ERC2: variants seen among roughly 807,000 people sequenced by gnomAD.
The protein encoded by ERC2 is ERC protein 2.
ERC2 carries 42 observed loss-of-function variants against 114.8 expected under a neutral mutation model. That is an observed-to-expected ratio of 0.37 (90% confidence interval 0.29 to 0.47). The LOEUF is 0.47. Among genes scored for constraint, ERC2 ranks in the 20% least tolerant of loss-of-function variants. The probability of loss-of-function intolerance (pLI) is 0.99; values close to 1 mark genes in which losing one functional copy is unlikely to be tolerated. For missense variants in ERC2, 939 were observed against 1,150.7 expected (o/e 0.82, Z 2.66); for synonymous variants, 454 against 425.5 (o/e 1.07, Z -0.82).
intron 6 of ERC2, among the ~76,000 whole-genome samples, chr3:56,086,547 C>A (rs1049863422): frequency 1.6e-4 from 24 of 150,788 alleles, no homozygotes; most frequent in Admixed American, 4.0e-4. Context: ...AATTCACAAG[C>A]AACATTAGCC....
rs186621312 is a variant in ERC2 at position 56,305,841 on chromosome 3, T to C, written c.658-9406A>G. On this transcript the variant is annotated intron_variant, in intron 2 of 17. Coordinates refer to ENST00000288221, the MANE Select transcript of ERC2 (RefSeq NM_015576.3). Reference sequence around the variant, plus strand: ...CAGCCATATCCATTGACATATATATTGTCTTTTTTTTGTTTGTTTGTTTTT... The same window carrying C: ...CAGCCATATCCATTGACATATATATCGTCTTTTTTTTGTTTGTTTGTTTTT... Among the ~76,000 whole-genome samples the C allele has an allele frequency of 2.0e-5, 3 of 152,246 alleles. No homozygotes were observed. The East Asian group carries it at 5.8e-4, about 29-fold the overall frequency.
At chr3:56,232,059 C>G (rs1446869625) in intron 3 of ERC2, among the ~76,000 whole-genome samples, 1 of 151,010 alleles carries the variant, frequency 6.6e-6, no homozygotes, top group Admixed American at 6.6e-5. Context: ...TAGTCTCAAA[C>G]TTCAGTGTAT....
chr3:55,677,830 T>C (rs1030225090), intron 17 of ERC2, among the ~76,000 whole-genome samples: 40 of 152,304 alleles, frequency 2.6e-4, no homozygotes, highest in African/African-American at 9.4e-4. Flanking sequence ...TCAGGGGATT[T>C]GCAGAGCCTC....
intron 17 of ERC2, among the ~76,000 whole-genome samples, chr3:55,681,870 T>C (rs1439266465): frequency 6.6e-6 from 1 of 152,182 alleles, no homozygotes; most frequent in Non-Finnish European, 1.5e-5. Flanking sequence ...ACTGTTCATA[T>C]CTCAGGGTGT....
At chr3:55,695,032 A>C (rs1164888119) in intron 16 of ERC2, among the ~76,000 whole-genome samples, 1 of 152,198 alleles carries the variant, frequency 6.6e-6, no homozygotes, top group Non-Finnish European at 1.5e-5. Context: ...TAGAAAAAGG[A>C]AAGTAGAAAG....
At chr3:56,332,600 C>A (rs2150462053) in intron 2 of ERC2, among the ~76,000 whole-genome samples, 1 of 152,328 alleles carries the variant, frequency 6.6e-6, no homozygotes, top group African/African-American at 2.4e-5. Flanking sequence ...GAGTGGGACA[C>A]AATACTCAGT....
At chr3:56,017,659 C>T (rs906001664) in intron 8 of ERC2, among the ~76,000 whole-genome samples, 1 of 152,080 alleles carries the variant, frequency 6.6e-6, no homozygotes, top group Non-Finnish European at 1.5e-5. Flanking sequence ...CAAGCTCCTA[C>T]CTGGCCATTC....
At chr3:56,345,777 T>C (rs1053942667) in intron 2 of ERC2, among the ~76,000 whole-genome samples, 12 of 152,188 alleles carry the variant, frequency 7.9e-5, no homozygotes, top group Admixed American at 3.3e-4. Context: ...CCCACATGCA[T>C]GCCCACACTT....
intron 17 of ERC2, among the ~76,000 whole-genome samples, chr3:55,545,185 C>T (rs1029445487): frequency 2.6e-5 from 4 of 152,188 alleles, no homozygotes; most frequent in African/African-American, 9.7e-5. Context: ...ATCCTCACTC[C>T]ACCACGGCCA....
At position 55,886,528 on chromosome 3, in the gene ERC2, T is replaced by C. The variant is rs73831806; in HGVS notation, c.2564+1861A>G. ...TTATGAACTTTGTATATAGACATTATAAAAATACATAACTTTAGATTCTAA... is the reference window on the plus strand; with the variant it reads ...TTATGAACTTTGTATATAGACATTACAAAAATACATAACTTTAGATTCTAA... On this transcript the variant is annotated intron_variant, in intron 14 of 17. Transcript: ENST00000288221. Among the ~76,000 whole-genome samples, 1,478 of 152,344 alleles carry C rather than the reference T, an allele frequency of 9.7e-3. 34 individuals are homozygous for C. Among genetic ancestry groups the C allele is most frequent in the African/African-American group, 0.034 (1,393 of 41,582 alleles).
At chr3:55,615,045 C>T (rs9846968) in intron 17 of ERC2, among the ~76,000 whole-genome samples, 2,368 of 152,276 alleles carry the variant, frequency 0.016, 70 homozygotes, top group African/African-American at 0.054. Flanking sequence ...TTTAAGCAAG[C>T]CTACTATGTT....
At chr3:56,362,459 C>A (rs1183416431) in intron 2 of ERC2, among the ~76,000 whole-genome samples, 2 of 152,172 alleles carry the variant, frequency 1.3e-5, no homozygotes, top group Admixed American at 6.5e-5. Flanking sequence ...GATAAACCAG[C>A]CCCTTCTTTC....
chr3:55,879,974 G>A (rs1248813796), intron 14 of ERC2, among the ~76,000 whole-genome samples: 1 of 152,222 alleles, frequency 6.6e-6, no homozygotes, highest in African/African-American at 2.4e-5. Flanking sequence ...ACTAAGAACA[G>A]GGCTTAGATA....
intron 14 of ERC2, among the ~76,000 whole-genome samples, chr3:55,848,096 C>A (rs1014293668): frequency 6.6e-6 from 1 of 152,056 alleles, no homozygotes; most frequent in Non-Finnish European, 1.5e-5. Flanking sequence ...CAAGCCCCAG[C>A]TAGGATATTA....
At chr3:56,004,579 A>G (rs939922873) in intron 10 of ERC2, among the ~76,000 whole-genome samples, 36 of 152,178 alleles carry the variant, frequency 2.4e-4, no homozygotes, top group African/African-American at 8.4e-4. Context: ...TCCCTTTACC[A>G]ATGTCAAGCA....
intron 14 of ERC2, among the ~76,000 whole-genome samples, chr3:55,820,841 A>G (rs1006279563): frequency 2.6e-5 from 4 of 152,232 alleles, no homozygotes; most frequent in African/African-American, 9.6e-5. Flanking sequence ...CTGATCACTC[A>G]AGGAACATTT....
At chr3:56,429,079 T>A (rs1317029398) in intron 2 of ERC2, among the ~76,000 whole-genome samples, 1 of 152,182 alleles carries the variant, frequency 6.6e-6, no homozygotes, top group African/African-American at 2.4e-5. Flanking sequence ...AGTCAGTAAC[T>A]CTTATGTACC....
chr3:56,301,759 A>C (rs571248231), intron 2 of ERC2, among the ~76,000 whole-genome samples: 21 of 152,290 alleles, frequency 1.4e-4, no homozygotes, highest in African/African-American at 4.3e-4. Flanking sequence ...TTTAACATAG[A>C]CAATTTCAAT....
chr3:55,798,031 G>C (rs2070657133), intron 14 of ERC2, among the ~76,000 whole-genome samples: 1 of 152,158 alleles, frequency 6.6e-6, no homozygotes, highest in Non-Finnish European at 1.5e-5. Flanking sequence ...GCAGCTCACA[G>C]AGATCAGGGG....
Sources: allele counts gnomAD v4.1 joint callset (sites outside exome capture counted in the v4.1 genomes callset), GRCh38; gene constraint gnomAD v4.1.1; transcripts MANE v1.5; gene names NCBI Gene and HGNC (gene_info 2026-07-23, HGNC 2026-07-21).